Variants in DDC observed in about 807,000 individuals in gnomAD.
DDC encodes aromatic-L-amino-acid decarboxylase.
A neutral mutation model predicts 60.0 loss-of-function variants in DDC; 43 were observed. The ratio of observed to expected loss-of-function variants is 0.72; its 90% confidence interval spans 0.56 to 0.92. The LOEUF (loss-of-function observed/expected upper bound fraction) is 0.92, where lower values mean the gene tolerates loss of function less well. Among genes scored for constraint, DDC ranks in the 40% least tolerant of loss-of-function variants. The pLI is 0.00. For synonymous variants in DDC, 232 were observed against 234.6 expected (o/e 0.99, Z 0.10); for missense variants, 573 against 620.2 (o/e 0.92, Z 0.81).
rs538981529 is a variant in DDC at position 50,553,527 on chromosome 7, C to T, written c.-28-9414G>A. 3.6e-5 allele frequency among the ~76,000 whole-genome samples: 5 copies of T among 139,216 alleles called. No individual in the cohort carries two copies. The South Asian group carries it at 1.2e-3, about 33-fold the overall frequency. 91.3% of individuals were successfully genotyped at this position (139,216 alleles called of 152,430 possible). A position where few individuals can be genotyped will look rare whatever the true frequency, so the allele number is the denominator to read the frequency against. ...TTTGAGATGGAGTCTTGCTCTGTCG[C>T]CCAGGCTGGAATGCAGTGGAACGAT... On this transcript the variant is annotated intron_variant, in intron 1 of 14. Transcript: ENST00000444124.
intron 2 of DDC, among the ~76,000 whole-genome samples, chr7:50,540,747 G>A (rs1474105237): frequency 1.3e-5 from 2 of 152,222 alleles, no homozygotes; most frequent in East Asian, 3.8e-4. Flanking sequence ...CTCCCTGGGT[G>A]AGGCACAGAG....
At chr7:50,515,629 AG>A (rs1343109112) in intron 6 of DDC, among the ~76,000 whole-genome samples, 2 of 152,214 alleles carry the variant, frequency 1.3e-5, no homozygotes, top group Admixed American at 6.5e-5. Context: ...TCCACCTAAA[AG>A]ATACAGATCC....
At chr7:50,515,539 A>T (rs1396537071) in intron 6 of DDC, among the ~76,000 whole-genome samples, 4 of 152,216 alleles carry the variant, frequency 2.6e-5, no homozygotes, top group African/African-American at 9.6e-5. Flanking sequence ...CAAAAAAAGT[A>T]CACAGGCAAC....
Position 50,528,138 on chromosome 7 carries a change from A to G in DDC, c.713T>C (p.Phe238Ser), listed in dbSNP as rs2044092242. The change falls in exon 6 of 15, where the codon TTT becomes TCT. Residue 238 changes from phenylalanine (F) to serine (S), a missense_variant and splice_region_variant. By Grantham distance (155) the Phe-to-Ser change is radical. Coordinates refer to ENST00000444124, the MANE Select transcript of DDC (RefSeq NM_001082971.2). Reference sequence around the variant, plus strand: ...AGCCACAAGTGCTGCCGAACTTACAAAGAAAGGAATCAGGCCAGCCGCTTT... The same window carrying G: ...AGCCACAAGTGCTGCCGAACTTACAGAGAAAGGAATCAGGCCAGCCGCTTT... Reference protein sequence around the residue: ...RDKAAGLIPFFMVATLGTTTC... With the variant: ...RDKAAGLIPFSMVATLGTTTC... 6.2e-7 allele frequency: 1 copy of G among 1,612,564 alleles called. No homozygotes were observed.
At chr7:50,503,052 C>T (rs1054894917) in intron 7 of DDC, among the ~76,000 whole-genome samples, 2 of 152,224 alleles carry the variant, frequency 1.3e-5, no homozygotes, top group African/African-American at 4.8e-5. Flanking sequence ...GGGTCCACTC[C>T]TCTGAGTATG....
intron 6 of DDC, among the ~76,000 whole-genome samples, chr7:50,506,341 C>G (rs1172685455): frequency 2.6e-5 from 4 of 152,064 alleles, no homozygotes; most frequent in Non-Finnish European, 5.9e-5. Context: ...GTTCCACACA[C>G]CGGGGCCTGT....
intron 4 of DDC, among the ~76,000 whole-genome samples, chr7:50,537,249 A>G (rs139896251): frequency 1.1e-4 from 17 of 152,282 alleles, no homozygotes; most frequent in Admixed American, 2.6e-4. Flanking sequence ...CTTTAAGTAA[A>G]TGATTGGTTC....
At chr7:50,527,879 G>C (rs1585234865) in intron 6 of DDC, 1 of 386,668 alleles carries the variant, frequency 2.6e-6, no homozygotes, top group East Asian at 5.8e-5. Context: ...AAAAAAAATG[G>C]AGGTAAAAAG....
intron 4 of DDC, among the ~76,000 whole-genome samples, chr7:50,533,592 G>T (rs1357169987): frequency 6.6e-6 from 1 of 152,088 alleles, no homozygotes; most frequent in Admixed American, 6.5e-5. Flanking sequence ...ACCACACCAG[G>T]TCCATAATCA....
At chr7:50,564,677 A>G (rs1485547174) in intron 1 of DDC, among the ~76,000 whole-genome samples, 1 of 151,084 alleles carries the variant, frequency 6.6e-6, no homozygotes, top group East Asian at 1.9e-4. Flanking sequence ...CTATCCGCAT[A>G]TGTTTTCAGA....
intron 9 of DDC, among the ~76,000 whole-genome samples, chr7:50,494,707 G>C (rs1317526547): frequency 2.6e-5 from 4 of 151,852 alleles, no homozygotes; most frequent in Non-Finnish European, 5.9e-5. Context: ...TGTCGCCAAG[G>C]CTGGATTGCA....
chr7:50,534,576 G>A (rs762949269), intron 4 of DDC, among the ~76,000 whole-genome samples: 22 of 151,174 alleles, frequency 1.5e-4, no homozygotes, highest in Admixed American at 3.3e-4. Flanking sequence ...CAGCCTGGGC[G>A]ACAAGAATGA....
chr7:50,504,944 A>G (rs1397918503), intron 6 of DDC, among the ~76,000 whole-genome samples: 3 of 152,252 alleles, frequency 2.0e-5, no homozygotes, highest in Non-Finnish European at 4.4e-5. Context: ...ACTGTTCCCA[A>G]AGATTAATTA....
intron 6 of DDC, among the ~76,000 whole-genome samples, chr7:50,524,831 T>C (rs1372598748): frequency 1.3e-5 from 2 of 152,198 alleles, no homozygotes; most frequent in African/African-American, 4.8e-5. Context: ...TAGGCATTTA[T>C]CCCAGAGAAA....
At chr7:50,561,171 T>A (rs980522581) in intron 1 of DDC, 3 of 152,094 alleles carry the variant, frequency 2.0e-5, no homozygotes, top group African/African-American at 7.2e-5. Flanking sequence ...CTGAGCAGCA[T>A]CCCTCCACCC....
chr7:50,520,731 T>C (rs964766953), intron 6 of DDC, among the ~76,000 whole-genome samples: 1 of 152,140 alleles, frequency 6.6e-6, no homozygotes, highest in East Asian at 1.9e-4. Context: ...CTGACCAACA[T>C]GGTGAAATCC....
chr7:50,534,734 A>T (rs2044338297), intron 4 of DDC, among the ~76,000 whole-genome samples: 2 of 152,208 alleles, frequency 1.3e-5, no homozygotes, highest in African/African-American at 4.8e-5. Context: ...AAAGGGTTAG[A>T]CCATGCATGC....
chr7:50,520,470 T>C (rs1271780049), intron 6 of DDC, among the ~76,000 whole-genome samples: 1 of 152,110 alleles, frequency 6.6e-6, no homozygotes, highest in East Asian at 1.9e-4. Flanking sequence ...TCAATGAAAA[T>C]GACAATAAAA....
At chr7:50,518,377 G>T (rs981117211) in intron 6 of DDC, among the ~76,000 whole-genome samples, 4 of 151,888 alleles carry the variant, frequency 2.6e-5, no homozygotes, top group Non-Finnish European at 5.9e-5. Flanking sequence ...CACAGAAATA[G>T]AAAAAAACAA....
Sources: allele counts gnomAD v4.1 joint callset (sites outside exome capture counted in the v4.1 genomes callset), GRCh38; gene constraint gnomAD v4.1.1; transcripts MANE v1.5; gene names NCBI Gene and HGNC (gene_info 2026-07-23, HGNC 2026-07-21).